Variants in SON observed in about 807,000 individuals in gnomAD.
SON encodes SON DNA and RNA binding protein.
Under a neutral mutation model 173.3 loss-of-function variants are expected in SON, and 4 were observed. That is an observed-to-expected ratio of 0.02 (90% CI 0.01 to 0.05). The LOEUF is 0.05. Ranked by LOEUF, SON falls within the 10% of genes least tolerant of loss-of-function variation. SON has a pLI of 1.00. For synonymous variants in SON, 1,190 were observed against 1,105.9 expected (o/e 1.08, Z -1.51); for missense variants, 2,626 against 3,055.3 (o/e 0.86, Z 3.31).
chr21:33,553,798 T>C lies in SON; in HGVS notation c.4567T>C (p.Phe1523Leu), dbSNP rs765590529. 15 of 1,613,950 alleles carry C rather than the reference T, an allele frequency of 9.3e-6. No individual in the cohort carries two copies. Among genetic ancestry groups the C allele is most frequent in the African/African-American group, 1.3e-5 (1 of 74,934 alleles). The change falls in exon 3 of 12, where the codon TTT becomes CTT. Residue 1523 changes from phenylalanine to leucine, a missense_variant. Transcript: ENST00000356577. ...PHAEEHLKGD[F>L]YESEHGINID... The stretch of plus-strand genomic sequence containing the variant: ...TGCTGAGGAACACCTGAAAGGTGAC[T>C]TTTACGAAAGTGAACATGGTATAAA...
chr21:33,547,705 C>CTTTTTTTTTTTTT (rs928851742), intron 2 of SON, among the ~76,000 whole-genome samples: 1 of 71,026 alleles, frequency 1.4e-5, no homozygotes, highest in Non-Finnish European at 2.7e-5. Flanking sequence ...CTTCTGTAGT[C>CTTTTTTTTTTTTT]TTTTTTTTTT....
intron 2 of SON, among the ~76,000 whole-genome samples, chr21:33,548,487 C>T (rs1240640116): frequency 6.6e-6 from 1 of 152,148 alleles, no homozygotes; most frequent in Non-Finnish European, 1.5e-5. Flanking sequence ...AATTTGAGTT[C>T]TCTATGAATA....
At chr21:33,564,861 CAAAA>C (rs60295815) in intron 6 of SON, among the ~76,000 whole-genome samples, 3 of 98,304 alleles carry the variant, frequency 3.1e-5, no homozygotes, top group African/African-American at 3.9e-5. Flanking sequence ...AACTCCATCT[CAAAA>C]AAAAAAAAAA....
chr21:33,545,505 C>T (rs953281986), intron 1 of SON, among the ~76,000 whole-genome samples: 1 of 152,146 alleles, frequency 6.6e-6, no homozygotes, highest in African/African-American at 2.4e-5. Context: ...GTAAAAATTA[C>T]TGGGCGAATG....
intron 1 of SON, among the ~76,000 whole-genome samples, chr21:33,544,781 C>T (rs983417342): frequency 6.6e-6 from 1 of 152,150 alleles, no homozygotes; most frequent in Non-Finnish European, 1.5e-5. Context: ...TCATTACTTC[C>T]TTGTAGATTA....
chr21:33,543,214 C>T (rs752912059), intron 1 of SON, 45 bp downstream of exon 1: 6 of 1,466,690 alleles, frequency 4.1e-6, no homozygotes, highest in Non-Finnish European at 5.7e-6. Flanking sequence ...ACCGTTAGGC[C>T]CTCACCTAGC....
At chr21:33,568,007 G>C (rs747440164) in intron 7 of SON, among the ~76,000 whole-genome samples, 7 of 152,216 alleles carry the variant, frequency 4.6e-5, no homozygotes, top group Non-Finnish European at 8.8e-5. Context: ...TCTGGAGTCT[G>C]TGCTTTTAAC....
At position 33,550,683 on chromosome 21, in the gene SON, G is replaced by A; in HGVS notation, c.1452G>A (p.Leu484=). 1 of 1,613,880 alleles carries A rather than the reference G, an allele frequency of 6.2e-7. No individual in the cohort carries two copies. The highest frequency in any genetic ancestry group is 8.5e-7 in the Non-Finnish European group (1 of 1,179,924). ...CACAGGAGTTGCCAGGGCTGCCTTT[G>A]GTGACAGCAGCAGTAGAGTTGCCAG... ...VMAQELPGLP[L]VTAAVELPEQ... The change falls in exon 3 of 12, where the codon TTG becomes TTA. Residue 484 remains leucine, a synonymous_variant. Coordinates refer to ENST00000356577, the MANE Select transcript of SON (RefSeq NM_138927.4).
At position 33,546,273 on chromosome 21, in the gene SON, G is replaced by C; in HGVS notation, c.138G>C (p.Ala46=). 6.2e-7 allele frequency: 1 copy of C among 1,613,620 alleles called. No homozygotes were observed. Among genetic ancestry groups the C allele is most frequent in the Non-Finnish European group, 8.5e-7 (1 of 1,179,662 alleles). The change falls in exon 2 of 12, where the codon GCG becomes GCC. Residue 46 remains alanine (A), a synonymous_variant. Transcript: ENST00000356577. Reference sequence around the variant, plus strand: ...ATACACCCATTGAAGGAAACCAGGCGGGTGATGCAGCTGCCTCTGCCAGGA... The same window carrying C: ...ATACACCCATTGAAGGAAACCAGGCCGGTGATGCAGCTGCCTCTGCCAGGA... ...ETNTPIEGNQ[A]GDAAASARSL...
At position 33,553,218 on chromosome 21, in the gene SON, G is replaced by C. The variant is rs1390004068; in HGVS notation, c.3987G>C (p.Leu1329Phe). ...TTGCCTCAGAAGTATCTACATCCTTGTTGGTTCCAGCAGTAACTACTCCAG... is the reference window on the plus strand; with the variant it reads ...TTGCCTCAGAAGTATCTACATCCTTCTTGGTTCCAGCAGTAACTACTCCAG... The part of the protein sequence containing the change: ...GHVASEVSTS[L>F]LVPAVTTPVL... Residue 1329 changes from leucine (L) to phenylalanine (F), a missense_variant, in exon 3 of 12, where the codon TTG becomes TTC. By Grantham distance (22) the Leu-to-Phe change is conservative. Coordinates refer to ENST00000356577, the MANE Select transcript of SON (RefSeq NM_138927.4). 6.2e-7 allele frequency: 1 copy of C among 1,613,930 alleles called. No homozygotes were observed. Among genetic ancestry groups the C allele is most frequent in the African/African-American group, 1.3e-5 (1 of 74,944 alleles).
Position 33,549,680 on chromosome 21 carries a change from T to C in SON, c.449T>C (p.Leu150Ser). ...TCTCATGATGATGGGAACATAGATT[T>C]AGAATCTGATTCCTTTTTAAAGTTT... ...TKSHDDGNID[L>S]ESDSFLKFDS... The change falls in exon 3 of 12, where the codon TTA becomes TCA. Residue 150 changes from leucine to serine, a missense_variant. By Grantham distance (145) the Leu-to-Ser change is moderately radical (BLOSUM62 -2). This residue lies in a region of SON where 757 missense variants were observed against 730.1 expected (regional missense o/e 1.04). Coordinates refer to ENST00000356577, the MANE Select transcript of SON (RefSeq NM_138927.4). 1 of 1,612,566 alleles carries C rather than the reference T, an allele frequency of 6.2e-7. No individual in the cohort carries two copies. Among genetic ancestry groups the C allele is most frequent in the South Asian group, 1.1e-5 (1 of 90,382 alleles).
chr21:33,543,191 C>T, intron 1 of SON, 22 bp downstream of exon 1: 2 of 1,596,276 alleles, frequency 1.3e-6, no homozygotes, highest in Non-Finnish European at 1.7e-6. Flanking sequence ...CCAGATTCTT[C>T]TGCTCCCAAC....
At position 33,549,782 on chromosome 21, in the gene SON, C is replaced by T. The variant is rs142518689; in HGVS notation, c.551C>T (p.Ala184Val). ...FGPSETNESP[A>V]VVLEPPVVSM... ...CCATCTGAGACCAATGAATCCCCTG[C>T]AGTTGTGCTAGAACCTCCTGTAGTA... The change falls in exon 3 of 12, where the codon GCA becomes GTA. Residue 184 changes from alanine to valine, a missense_variant. Ala to Val is a moderately conservative substitution (Grantham distance 64). Transcript: ENST00000356577. The T allele has an allele frequency of 1.3e-5, 21 of 1,614,086 alleles. No homozygotes were observed. The highest frequency in any genetic ancestry group is 5.5e-5 in the South Asian group (5 of 91,086).
At position 33,555,406 on chromosome 21, in the gene SON, A is replaced by G; in HGVS notation, c.6160+15A>G. ...GACAGATTTGGGTGAGTCATTTTAA[A>G]GTTTAATGGGATGGTAGTAGAAAAT... On this transcript the variant is annotated intron_variant, in intron 3 of 11. Coordinates refer to ENST00000356577, the MANE Select transcript of SON (RefSeq NM_138927.4). 2 of 1,496,834 alleles carry G rather than the reference A, an allele frequency of 1.3e-6. No individual in the cohort carries two copies. Among genetic ancestry groups the G allele is most frequent in the Non-Finnish European group, 1.8e-6 (2 of 1,118,086 alleles). The allele number at this position is 1,496,834 out of a possible 1,614,324, so 92.7% of individuals were successfully genotyped here.
intron 3 of SON, 52 bp downstream of exon 3, chr21:33,555,443 T>A: frequency 7.0e-7 from 1 of 1,423,164 alleles, no homozygotes; most frequent in East Asian, 2.6e-5. Context: ...TTTTAAACCT[T>A]AATTTTTTTC....
chr21:33,545,449 T>G (rs954621149), intron 1 of SON, among the ~76,000 whole-genome samples: 2 of 152,196 alleles, frequency 1.3e-5, no homozygotes, highest in African/African-American at 4.8e-5. Context: ...AAACTGTTGC[T>G]GAAAGTATTT....
In SON at chr21:33,555,302, TAAG is replaced by T. The variant is rs750255533; in HGVS notation, c.6078_6080del (p.Arg2027del). ...AGATTAAGGCGATCAAGAACACCCT[TAAG>T]AAGAAGGTTTAGCAGATCTCCCATC... On this transcript the variant is annotated inframe_deletion, in exon 3 of 12. Transcript: ENST00000356577. 1.9e-6 allele frequency: 3 copies of T among 1,610,548 alleles called. No individual in the cohort carries two copies. Among genetic ancestry groups the T allele is most frequent in the Non-Finnish European group, 2.5e-6 (3 of 1,178,530 alleles).
At position 33,559,868 on chromosome 21, in the gene SON, T is replaced by C; in HGVS notation, c.6657+93T>C. On this transcript the variant is annotated intron_variant, in intron 6 of 11. Coordinates refer to ENST00000356577, the MANE Select transcript of SON (RefSeq NM_138927.4). This position sits in a 1 kb window ranked among gnomAD's most constrained non-coding sequence, Gnocchi z 4.1. ...ATGTCTGATTTGGATTCTGTTTCAC[T>C]CTTCTTAGGGCCGGGTTAAACGGCA... 1 of 1,603,238 alleles carries C rather than the reference T, an allele frequency of 6.2e-7. No homozygotes were observed. Among genetic ancestry groups the C allele is most frequent in the South Asian group, 1.1e-5 (1 of 90,216 alleles).
In SON at chr21:33,552,160, T is replaced by C; in HGVS notation, c.2929T>C (p.Tyr977His). 6.2e-7 allele frequency: 1 copy of C among 1,614,096 alleles called. No individual in the cohort carries two copies. The highest frequency in any genetic ancestry group is 1.1e-5 in the South Asian group (1 of 91,078). ...ACCCTACAGGATAGCACCCAGGTCC[T>C]ATAGAATAGCACCCAGGCCATATAG... ...PRPYRIAPRS[Y>H]RIAPRPYRLA... The change falls in exon 3 of 12, where the codon TAT becomes CAT. Residue 977 changes from tyrosine to histidine, a missense_variant. By Grantham distance (83) the Tyr-to-His change is moderately conservative (BLOSUM62 2). Transcript: ENST00000356577. The surrounding 1 kb of genome is among the most constrained non-coding windows in gnomAD (Gnocchi z 5.6).
Sources: gnomAD v4.1 joint callset for allele counts (sites outside exome capture counted in the v4.1 genomes callset) on GRCh38, gnomAD v4.1.1 for gene constraint, gnomAD v4.1.1 regional missense constraint, Gnocchi (gnomAD v3.1) non-coding constraint, MANE v1.5 for transcripts, NCBI Gene and HGNC (gene_info 2026-07-23, HGNC 2026-07-21) for gene names.